The following KCNJ12 variants were observed in gnomAD, a reference collection of about 807,000 sequenced individuals.
The protein encoded by KCNJ12 is ATP-sensitive inward rectifier potassium channel 12.
In KCNJ12, 2 loss-of-function variants were observed where a neutral mutation model predicts 22.3. The observed-to-expected ratio is 0.09, with a 90% CI of 0.04 to 0.28. KCNJ12 has a LOEUF of 0.28. Ranked by LOEUF, KCNJ12 falls within the 10% of genes least tolerant of loss-of-function variation. The pLI, the probability that KCNJ12 is intolerant of heterozygous loss-of-function variation, is 1.00. For missense variants in KCNJ12, 155 were observed against 633.3 expected, an observed-to-expected ratio of 0.24 and a Z score of 8.11; for synonymous variants, 117 against 261.4, an observed-to-expected ratio of 0.45 and a Z score of 5.33.
chr17:21,394,160 G>A (rs564966873), intron 1 of KCNJ12, among the ~76,000 whole-genome samples: 51 of 152,348 alleles, frequency 3.3e-4, no homozygotes, highest in African/African-American at 1.2e-3. Context: ...GATGGAGGGT[G>A]TGTATGAGAG....
chr17:21,379,795 G>T (rs537593815), intron 1 of KCNJ12, among the ~76,000 whole-genome samples: 21 of 150,710 alleles, frequency 1.4e-4, no homozygotes, highest in South Asian at 4.2e-4. Flanking sequence ...GGTTGGGGGT[G>T]GGGGGGGGCC....
chr17:21,417,554 AGGGGTGGTTAGGAGCTATAGGCC>A lies in KCNJ12; in HGVS notation c.*914_*936del, dbSNP rs1906920645. 1 of 167,120 alleles carries A rather than the reference AGGGGTGGTTAGGAGCTATAGGCC, an allele frequency of 6.0e-6. No homozygotes were observed. The highest frequency in any genetic ancestry group is 2.4e-5 in the African/African-American group (1 of 41,424). 10.4% of individuals were successfully genotyped at this position (167,120 alleles called of 1,614,324 possible). ...CAGGCCTCCGCCCAATTCCACAGTG[AGGGGTGGTTAGGAGCTATAGGCC>A]GGGATGGCTCCTTGGGAAGGGAAGT... On this transcript the variant is annotated 3_prime_UTR_variant, in exon 3 of 3. Transcript: ENST00000583088.
intron 1 of KCNJ12, among the ~76,000 whole-genome samples, chr17:21,379,662 A>G (rs1328361374): frequency 6.6e-6 from 1 of 152,056 alleles, no homozygotes; most frequent in Non-Finnish European, 1.5e-5. Context: ...GCCCCACGGG[A>G]TGGCTGTGCC....
chr17:21,392,664 G>T (rs1255255830), intron 1 of KCNJ12, among the ~76,000 whole-genome samples: 3 of 152,252 alleles, frequency 2.0e-5, no homozygotes, highest in Non-Finnish European at 2.9e-5. Flanking sequence ...CTCCTCGAGT[G>T]GGTTCAGAGA....
chr17:21,404,994 T>C (rs1412723378), intron 1 of KCNJ12: 1 of 152,528 alleles, frequency 6.6e-6, no homozygotes, highest in African/African-American at 2.4e-5. Context: ...GAGGGGTCAG[T>C]GTCACTCAAG....
At chr17:21,400,992 T>C (rs1905588340) in intron 1 of KCNJ12, among the ~76,000 whole-genome samples, 1 of 152,426 alleles carries the variant, frequency 6.6e-6, no homozygotes, top group Admixed American at 6.5e-5. Context: ...AGGCTCGGTG[T>C]GTCCAGCATA....
At chr17:21,397,229 C>G (rs1597565826) in intron 1 of KCNJ12, among the ~76,000 whole-genome samples, 1 of 152,342 alleles carries the variant, frequency 6.6e-6, no homozygotes, top group Middle Eastern at 3.4e-3. Context: ...ATAGCAGACT[C>G]TTCCCTGCAG....
intron 1 of KCNJ12, among the ~76,000 whole-genome samples, chr17:21,384,367 A>G (rs1163403668): frequency 4.6e-5 from 7 of 152,096 alleles, no homozygotes; most frequent in Admixed American, 3.3e-4. Flanking sequence ...CTGCGTTGAG[A>G]CAGAGATCCT....
intron 1 of KCNJ12, among the ~76,000 whole-genome samples, chr17:21,382,453 A>G (rs782691002): frequency 1.3e-5 from 2 of 152,074 alleles, no homozygotes; most frequent in Middle Eastern, 3.2e-3. Context: ...CCCCACGGTC[A>G]TTGAGTTTCA....
chr17:21,412,702 C>T (rs1290474028), intron 2 of KCNJ12, among the ~76,000 whole-genome samples: 5 of 152,428 alleles, frequency 3.3e-5, no homozygotes, highest in Admixed American at 3.3e-4. Flanking sequence ...GCCCTGCGTC[C>T]CAGCTCCTCA....
chr17:21,377,320 G>A (rs782237320), intron 1 of KCNJ12, among the ~76,000 whole-genome samples: 1 of 152,102 alleles, frequency 6.6e-6, no homozygotes, highest in Non-Finnish European at 1.5e-5. Context: ...GAGACCCCGC[G>A]ATCGAGGTGG....
intron 1 of KCNJ12, among the ~76,000 whole-genome samples, chr17:21,398,417 C>A (rs1398359215): frequency 6.6e-6 from 1 of 152,204 alleles, no homozygotes; most frequent in Non-Finnish European, 1.5e-5. Context: ...TGCCTGGCAG[C>A]CCCCGTGGCC....
In KCNJ12 at chr17:21,376,376, C is replaced by G. The variant is rs1333956062; in HGVS notation, c.-716C>G. On this transcript the variant is annotated 5_prime_UTR_variant, in exon 1 of 3. Coordinates refer to ENST00000583088, the MANE Select transcript of KCNJ12 (RefSeq NM_021012.5). This position sits in a 1 kb window ranked among gnomAD's most constrained non-coding sequence, Gnocchi z 5.3. ...TTAGAGGAGTTGCCGAGCTGAGCTC[C>G]GGTGGAGCGAGGCGCGGAGCTGGGT... is the stretch of plus-strand genomic sequence containing the variant. 1 of 151,684 alleles carries G rather than the reference C, an allele frequency of 6.6e-6. No individual in the cohort carries two copies. Among genetic ancestry groups the G allele is most frequent in the African/African-American group, 2.4e-5 (1 of 41,318 alleles). The allele number at this position is 151,684 out of a possible 1,614,324, so 9.4% of individuals were successfully genotyped here.
chr17:21,392,628 G>A (rs1337671757), intron 1 of KCNJ12, among the ~76,000 whole-genome samples: 1 of 152,268 alleles, frequency 6.6e-6, no homozygotes, highest in Non-Finnish European at 1.5e-5. Context: ...TGGTTCTGTA[G>A]TGGGGGGATT....
chr17:21,384,231 G>A (rs982363393), intron 1 of KCNJ12, among the ~76,000 whole-genome samples: 1 of 152,124 alleles, frequency 6.6e-6, no homozygotes, highest in Non-Finnish European at 1.5e-5. Context: ...GACCCAGGGG[G>A]TCTCATCCTG....
At chr17:21,390,872 A>T (rs555811041) in intron 1 of KCNJ12, among the ~76,000 whole-genome samples, 35 of 152,376 alleles carry the variant, frequency 2.3e-4, no homozygotes, top group African/African-American at 8.2e-4. Context: ...AGTGGTATTT[A>T]GTGCATTCAC....
chr17:21,385,343 C>G (rs2144768840), intron 1 of KCNJ12, among the ~76,000 whole-genome samples: 1 of 152,326 alleles, frequency 6.6e-6, no homozygotes, highest in East Asian at 1.9e-4. Context: ...AATGGGGAGG[C>G]AGTCCATTCT....
intron 1 of KCNJ12, among the ~76,000 whole-genome samples, chr17:21,388,865 C>T (rs1231043810): frequency 6.8e-6 from 1 of 147,536 alleles, no homozygotes; most frequent in African/African-American, 2.6e-5. Context: ...CCCCGCTGGG[C>T]CCCCCCCGAG....
At chr17:21,406,911 A>G (rs1905977088) in intron 1 of KCNJ12, among the ~76,000 whole-genome samples, 1 of 152,282 alleles carries the variant, frequency 6.6e-6, no homozygotes, top group South Asian at 2.1e-4. Flanking sequence ...CCTTCCCACC[A>G]ACCTCTTCTC....
Sources: allele counts gnomAD v4.1 joint callset (sites outside exome capture counted in the v4.1 genomes callset), GRCh38; gene constraint gnomAD v4.1.1; non-coding constraint Gnocchi (gnomAD v3.1); transcripts MANE v1.5; gene names NCBI Gene and HGNC (gene_info 2026-07-23, HGNC 2026-07-21).